The following ROR2 variants were observed in gnomAD, a reference collection of about 807,000 sequenced individuals.
The protein encoded by ROR2 is tyrosine-protein kinase transmembrane receptor ROR2.
A neutral mutation model predicts 74.9 loss-of-function variants in ROR2; 33 were observed. The observed-to-expected ratio is 0.44, with a 90% CI of 0.33 to 0.59. The LOEUF is 0.59. Among genes scored for constraint, ROR2 ranks in the 20% least tolerant of loss-of-function variants. The probability of loss-of-function intolerance (pLI) is 0.02; values close to 1 mark genes in which losing one functional copy is unlikely to be tolerated. For missense variants in ROR2, 1,216 were observed against 1,313.8 expected (o/e 0.93, Z 1.15); for synonymous variants, 586 against 558.7 (o/e 1.05, Z -0.69).
chr9:91,749,358 G>C (rs528726934), intron 4 of ROR2, among the ~76,000 whole-genome samples: 1 of 152,130 alleles, frequency 6.6e-6, no homozygotes, highest in Admixed American at 6.6e-5. Flanking sequence ...CTCCTGGTGG[G>C]GGTTCTCCTC....
chr9:91,904,587 C>T (rs1587835783), intron 1 of ROR2, among the ~76,000 whole-genome samples: 1 of 152,160 alleles, frequency 6.6e-6, no homozygotes, highest in African/African-American at 2.4e-5. Context: ...GGCTTCAGGC[C>T]CATGGTGGGG....
intron 1 of ROR2, among the ~76,000 whole-genome samples, chr9:91,895,639 T>C (rs1394488725): frequency 4.0e-5 from 6 of 151,148 alleles, no homozygotes. Flanking sequence ...AGGTCAGGAG[T>C]TCAAGACCAG....
chr9:91,742,862 T>C (rs1825295688), intron 4 of ROR2, among the ~76,000 whole-genome samples: 1 of 152,246 alleles, frequency 6.6e-6, no homozygotes, highest in South Asian at 2.1e-4. Flanking sequence ...AAGTGCCCTA[T>C]GTAAGTGTAC....
chr9:91,829,175 T>G (rs999623760), intron 1 of ROR2, among the ~76,000 whole-genome samples: 1 of 152,088 alleles, frequency 6.6e-6, no homozygotes, highest in African/African-American at 2.4e-5. Context: ...TTCCGCGGAG[T>G]GCAGCCAGAG....
chr9:91,923,349 G>T (rs1281985458), intron 1 of ROR2, among the ~76,000 whole-genome samples: 1 of 152,122 alleles, frequency 6.6e-6, no homozygotes, highest in Non-Finnish European at 1.5e-5. Context: ...GCAGCCAAGG[G>T]TCTGTTTGTA....
intron 1 of ROR2, among the ~76,000 whole-genome samples, chr9:91,828,276 CT>C (rs1212074625): frequency 6.6e-6 from 1 of 152,156 alleles, no homozygotes; most frequent in African/African-American, 2.4e-5. Context: ...ATCTATTTTG[CT>C]TTTGCAATGG....
chr9:91,795,016 G>A (rs370546459), intron 1 of ROR2, among the ~76,000 whole-genome samples: 12 of 151,982 alleles, frequency 7.9e-5, no homozygotes, highest in South Asian at 2.1e-4. Context: ...CAGCTACTCC[G>A]GAGGTTGAGG....
chr9:91,806,795 T>C (rs911504596), intron 1 of ROR2, among the ~76,000 whole-genome samples: 7 of 152,134 alleles, frequency 4.6e-5, no homozygotes, highest in African/African-American at 1.7e-4. Flanking sequence ...TTCACCGTGT[T>C]AGCCAGGATG....
intron 1 of ROR2, among the ~76,000 whole-genome samples, chr9:91,845,747 T>C (rs1828907842): frequency 6.6e-6 from 1 of 151,548 alleles, no homozygotes; most frequent in Non-Finnish European, 1.5e-5. Context: ...CCGGGCATGG[T>C]GGCAGGTGTC....
Position 91,771,857 on chromosome 9 carries a change from T to C in ROR2, c.175+3884A>G, listed in dbSNP as rs140505061. Among the ~76,000 whole-genome samples the C allele has an allele frequency of 2.7e-3, 406 of 152,378 alleles. 1 individual carries two copies. Among genetic ancestry groups the C allele is most frequent in the African/African-American group, 9.3e-3 (385 of 41,592 alleles). ...TGCTTGGCCAAAGGTAAAGCTGTCA[T>C]ATCACTGATGAACTGGTCCACAGGC... On this transcript the variant is annotated intron_variant, in intron 2 of 8. Coordinates refer to ENST00000375708, the MANE Select transcript of ROR2 (RefSeq NM_004560.4).
At chr9:91,922,099 GCAACAA>G (rs556349605) in intron 1 of ROR2, among the ~76,000 whole-genome samples, 60 of 147,678 alleles carry the variant, frequency 4.1e-4, no homozygotes, top group Non-Finnish European at 6.3e-4. Flanking sequence ...CCAAACAACA[GCAACAA>G]CAACAACAAC....
intron 2 of ROR2, among the ~76,000 whole-genome samples, chr9:91,762,290 G>A (rs963832901): frequency 2.0e-5 from 3 of 152,180 alleles, no homozygotes; most frequent in African/African-American, 7.2e-5. Flanking sequence ...CCATTTGCAA[G>A]TTTTTAAAGA....
At chr9:91,854,844 A>G (rs983138388) in intron 1 of ROR2, among the ~76,000 whole-genome samples, 4 of 152,336 alleles carry the variant, frequency 2.6e-5, no homozygotes, top group Admixed American at 2.6e-4. Flanking sequence ...TTTAAATAGC[A>G]TTGCCACCGG....
At chr9:91,794,791 A>C (rs1008425648) in intron 1 of ROR2, among the ~76,000 whole-genome samples, 3 of 152,168 alleles carry the variant, frequency 2.0e-5, no homozygotes, top group African/African-American at 7.2e-5. Flanking sequence ...TTCTGATTTT[A>C]ATGAGATTCT....
At chr9:91,760,109 CTTG>C (rs1305435515) in intron 2 of ROR2, among the ~76,000 whole-genome samples, 2 of 152,230 alleles carry the variant, frequency 1.3e-5, no homozygotes. Context: ...AAGCTGGTTC[CTTG>C]TTGTTCAGTT....
chr9:91,838,349 G>A (rs746742306), intron 1 of ROR2, among the ~76,000 whole-genome samples: 5 of 152,116 alleles, frequency 3.3e-5, no homozygotes, highest in East Asian at 1.9e-4. Context: ...GGCCAAGTGC[G>A]CACACAGTGT....
intron 1 of ROR2, among the ~76,000 whole-genome samples, chr9:91,880,568 T>C (rs1830081231): frequency 1.3e-5 from 2 of 152,218 alleles, no homozygotes; most frequent in South Asian, 2.1e-4. Flanking sequence ...CAAATGCTGA[T>C]TCATTTGAAA....
chr9:91,754,236 GA>G (rs1156371225), intron 4 of ROR2, among the ~76,000 whole-genome samples: 1 of 150,100 alleles, frequency 6.7e-6, no homozygotes, highest in African/African-American at 2.4e-5. Flanking sequence ...ATAAATATAT[GA>G]ATGTTTAATA....
chr9:91,730,272 A>C (rs1837190267), intron 7 of ROR2, among the ~76,000 whole-genome samples: 2 of 152,276 alleles, frequency 1.3e-5, no homozygotes, highest in South Asian at 4.1e-4. Context: ...CAAAATGTCA[A>C]AGTGAATATC....
Sources: gnomAD v4.1 joint callset for allele counts (sites outside exome capture counted in the v4.1 genomes callset) on GRCh38, gnomAD v4.1.1 for gene constraint, MANE v1.5 for transcripts, NCBI Gene and HGNC (gene_info 2026-07-23, HGNC 2026-07-21) for gene names.